C9orf72: variants seen among roughly 807,000 people sequenced by gnomAD.
The protein encoded by C9orf72 is C9orf72-SMCR8 complex subunit.
Under a neutral mutation model 51.6 loss-of-function variants are expected in C9orf72, and 44 were observed. The observed-to-expected ratio is 0.85, with a 90% CI of 0.67 to 1.10. C9orf72 has a LOEUF of 1.10. Among genes scored for constraint, C9orf72 ranks in the 50% least tolerant of loss-of-function variants. C9orf72 has a pLI of 0.00. For missense variants in C9orf72, 607 were observed against 570.6 expected (o/e 1.06, Z -0.65); for synonymous variants, 213 against 194.2 (o/e 1.10, Z -0.81).
At chr9:27,549,602 C>CA (rs143033735) in intron 9 of C9orf72, among the ~76,000 whole-genome samples, 3,617 of 152,136 alleles carry the variant, frequency 0.024, 139 homozygotes, top group African/African-American at 0.082. Flanking sequence ...GTTATTATAA[C>CA]AAACTGTAAT....
At chr9:27,561,306 TGAG>T (rs1819341032) in intron 5 of C9orf72, 1 of 1,194,842 alleles carries the variant, frequency 8.4e-7, no homozygotes, top group Non-Finnish European at 1.0e-6. Flanking sequence ...TTAGCTTTAA[TGAG>T]AAGTAAAACA....
intron 6 of C9orf72, chr9:27,558,955 T>A (rs1448117221): frequency 2.5e-5 from 4 of 160,698 alleles, no homozygotes; most frequent in African/African-American, 9.6e-5. Flanking sequence ...GGTCTACACA[T>A]GAAATTCGTT....
At chr9:27,565,386 T>C (rs1819443524) in intron 3 of C9orf72, 145 bp downstream of exon 3, 1 of 417,138 alleles carries the variant, frequency 2.4e-6, no homozygotes, top group African/African-American at 2.0e-5. Context: ...ATGGAAATCT[T>C]CCTCCAGTTT....
At position 27,560,241 on chromosome 9, in the gene C9orf72, C is replaced by T. The variant is rs1819305243; in HGVS notation, c.724G>A (p.Glu242Lys). ...GCSVVVGSSA[E>K]KVNKIVRTLC... ...AAATAAACTACCTTATTTACTTTCT[C>T]TGCACTGCTACCTACTACAACGGAA... The change falls in exon 6 of 11, where the codon GAG (glutamate) becomes AAG (lysine). Residue 242 changes from glutamate (E) to lysine (K), a missense_variant. Transcript: ENST00000380003. 1 of 1,607,112 alleles carries T rather than the reference C, an allele frequency of 6.2e-7. No individual in the cohort carries two copies. Among genetic ancestry groups the T allele is most frequent in the Non-Finnish European group, 8.5e-7 (1 of 1,175,926 alleles).
intron 5 of C9orf72, 46 bp from the exon 6 acceptor site, chr9:27,560,345 T>A (rs1212152602): frequency 6.8e-7 from 1 of 1,470,006 alleles, no homozygotes; most frequent in African/African-American, 1.4e-5. Flanking sequence ...TATAAAACAA[T>A]TTAACAAACT....
Position 27,550,686 on chromosome 9 carries a change from T to C in C9orf72, c.1113A>G (p.Leu371=), listed in dbSNP as rs1380506414. The change falls in exon 9 of 11, where the codon TTA becomes TTG. Residue 371 remains leucine (L), a synonymous_variant. Transcript: ENST00000380003. Reference sequence around the variant, plus strand: ...AGGCTTTCACTAGAGTGTCTCTGTGTAAGACATCTTGAAAAATATTCCTGA... The same window carrying C: ...AGGCTTTCACTAGAGTGTCTCTGTGCAAGACATCTTGAAAAATATTCCTGA... The part of the protein sequence containing the change: ...TPDLNIFQDV[L]HRDTLVKAFL... The C allele has an allele frequency of 6.3e-7, 1 of 1,586,900 alleles. No homozygotes were observed. The highest frequency in any genetic ancestry group is 8.6e-7 in the Non-Finnish European group (1 of 1,163,416).
rs1327923124 is a variant in C9orf72, at chr9:27,566,761, T to G, written c.360A>C (p.Glu120Asp). 1 of 1,613,778 alleles carries G rather than the reference T, an allele frequency of 6.2e-7. No homozygotes were observed. Among genetic ancestry groups the G allele is most frequent in the African/African-American group, 1.3e-5 (1 of 74,930 alleles). Residue 120 changes from glutamate to aspartate, a missense_variant, in exon 2 of 11, where the codon GAA (glutamate) becomes GAC (aspartate). Transcript: ENST00000380003. ...TATGAAGTGGGAGGTAGAAACTAAG[T>G]TCTGTCTGTGGAAGTATAATTGATA... ...YGLSIILPQT[E>D]LSFYLPLHRV... is the part of the protein sequence containing the mutation.
chr9:27,562,520 G>T, intron 3 of C9orf72, 44 bp from the exon 4 acceptor site: 2 of 942,822 alleles, frequency 2.1e-6, no homozygotes, highest in Non-Finnish European at 3.2e-6. Context: ...CACGTAATAT[G>T]AGAGAAGCTG....
intron 8 of C9orf72, among the ~76,000 whole-genome samples, chr9:27,551,779 T>C (rs754240702): frequency 3.3e-5 from 5 of 152,256 alleles, no homozygotes; most frequent in Non-Finnish European, 7.3e-5. Context: ...AATGAGTATC[T>C]TCATCATAAG....
chr9:27,559,020 G>A (rs1027897404), intron 6 of C9orf72: 1 of 153,330 alleles, frequency 6.5e-6, no homozygotes, highest in African/African-American at 2.4e-5. Context: ...ATTAATTATT[G>A]AATTTGATTT....
At chr9:27,562,308 TTAA>T in intron 4 of C9orf72, 70 bp downstream of exon 4, 2 of 533,282 alleles carry the variant, frequency 3.8e-6, no homozygotes, top group Non-Finnish European at 6.1e-6. Context: ...AATTAGAATA[TTAA>T]TAATATACAT....
chr9:27,551,381 C>T (rs1820905023), intron 8 of C9orf72, among the ~76,000 whole-genome samples: 2 of 152,202 alleles, frequency 1.3e-5, no homozygotes, highest in East Asian at 3.8e-4. Flanking sequence ...AACACACAAA[C>T]AAACAGGACT....
At chr9:27,555,626 TC>T (rs1358415683) in intron 8 of C9orf72, among the ~76,000 whole-genome samples, 1 of 150,938 alleles carries the variant, frequency 6.6e-6, no homozygotes, top group Non-Finnish European at 1.5e-5. Flanking sequence ...CACTGGCACA[TC>T]ATAACTCCCT....
At position 27,546,706 on chromosome 9, in the gene C9orf72, G is replaced by T. The variant is rs561388608; in HGVS notation, c.*1530C>A. The T allele has an allele frequency of 3.3e-5, 5 of 152,210 alleles. No individual in the cohort carries two copies. Among genetic ancestry groups the T allele is most frequent in the South Asian group, 4.1e-4 (2 of 4,830 alleles). 9.4% of individuals were successfully genotyped at this position (152,210 alleles called of 1,614,324 possible). ...AAATAACCAGTTAGCACTTAAATAA[G>T]AATCTACCATGTAAAAAACACAGTA... On this transcript the variant is annotated 3_prime_UTR_variant, in exon 11 of 11. Transcript: ENST00000380003.
Position 27,548,407 on chromosome 9 carries a change from C to CT in C9orf72, c.1274dup (p.Pro426AlafsTer3). 1 of 697,782 alleles carries CT rather than the reference C, an allele frequency of 1.4e-6. No homozygotes were observed. Among genetic ancestry groups the CT allele is most frequent in the Non-Finnish European group, 2.2e-6 (1 of 464,616 alleles). The allele number at this position is 697,782 out of a possible 1,614,324, so 43.2% of individuals were successfully genotyped here. On this transcript the variant is annotated frameshift_variant, in exon 11 of 11. Transcript: ENST00000380003. LOFTEE classifies it high-confidence loss of function. ...TCAGGTTCCGAAGAGATTTAAAGGG[C>CT]TTTTTTCCCTTCTGCCTAAAAATAA...
Position 27,563,288 on chromosome 9 carries a change from T to C in C9orf72, c.505-812A>G, listed in dbSNP as rs564433687. ...CTTATTACATCTTGAAATTGTAATT[T>C]TGAAATTTGTAGTCTATAGAATCAA... On this transcript the variant is annotated intron_variant, in intron 3 of 10. Coordinates refer to ENST00000380003, the MANE Select transcript of C9orf72 (RefSeq NM_018325.5). Among the ~76,000 whole-genome samples, 12 of 152,316 alleles carry C rather than the reference T, an allele frequency of 7.9e-5. No individual in the cohort carries two copies. The South Asian group carries it at 1.2e-3, about 16-fold the overall frequency.
rs1015878974 is a variant in C9orf72, at chr9:27,573,429, A to ACCCACTCG, written c.-51_-45+1dup. 6.8e-5 allele frequency: 10 copies of ACCCACTCG among 146,606 alleles called. No individual in the cohort carries two copies. The highest frequency in any genetic ancestry group is 2.5e-4 in the African/African-American group (10 of 39,356). The allele number at this position is 146,606 out of a possible 1,614,324, so 9.1% of individuals were successfully genotyped here. On this transcript the variant is annotated splice_donor_variant, in intron 1 of 10. Coordinates refer to ENST00000380003, the MANE Select transcript of C9orf72 (RefSeq NM_018325.5). LOFTEE classifies it low-confidence loss of function (5UTR_SPLICE). ...CCGCCAGGATGCCGCCTCCTCACTC[A>ACCCACTCG]CCCACTCGCCACCGCCTGCGCCTCC...
Position 27,550,661 on chromosome 9 carries a change from A to C in C9orf72, c.1138T>G (p.Phe380Val). 1 of 1,585,920 alleles carries C rather than the reference A, an allele frequency of 6.3e-7. No homozygotes were observed. Among genetic ancestry groups the C allele is most frequent in the African/African-American group, 1.3e-5 (1 of 74,174 alleles). ...VLHRDTLVKA[F>V]LDQVFQLKPG... ...AGTTCAACATTTACCTGATCCAGGA[A>C]GGCTTTCACTAGAGTGTCTCTGTGT... The change falls in exon 9 of 11, where the codon TTC (phenylalanine) becomes GTC (valine). Residue 380 changes from phenylalanine (F) to valine (V), a missense_variant. Physicochemically the swap from Phe to Val is conservative, Grantham distance 50. Transcript: ENST00000380003.
chr9:27,571,306 T>C (rs1162631040), intron 1 of C9orf72: 1 of 152,208 alleles, frequency 6.6e-6, no homozygotes. Context: ...TTAATTAACA[T>C]CTGCTAAAAC....
Sources: gnomAD v4.1 joint callset for allele counts (sites outside exome capture counted in the v4.1 genomes callset) on GRCh38, gnomAD v4.1.1 for gene constraint, MANE v1.5 for transcripts, NCBI Gene and HGNC (gene_info 2026-07-23, HGNC 2026-07-21) for gene names.